Variants in RGS14 observed in about 807,000 individuals in gnomAD.
The protein encoded by RGS14 is regulator of G-protein signaling 14.
A neutral mutation model predicts 63.8 loss-of-function variants in RGS14; 33 were observed. That is an observed-to-expected ratio of 0.52 (90% confidence interval 0.39 to 0.69). The LOEUF is 0.69. Ranked by LOEUF, RGS14 falls within the 30% of genes least tolerant of loss-of-function variation. The pLI is 0.00. For synonymous variants in RGS14, 296 were observed against 320.9 expected, an observed-to-expected ratio of 0.92 and a Z score of 0.83; for missense variants, 739 against 742.9, an observed-to-expected ratio of 0.99 and a Z score of 0.06.
intron 1 of RGS14, among the ~76,000 whole-genome samples, chr5:177,365,724 G>C (rs1347052622): frequency 1.3e-5 from 2 of 152,208 alleles, no homozygotes; most frequent in Non-Finnish European, 2.9e-5. Flanking sequence ...CAGGGGCTGG[G>C]GGAGGAGGGA....
At chr5:177,366,544 C>A in intron 3 of RGS14, 164 bp from the exon 4 acceptor site, 2 of 801,558 alleles carry the variant, frequency 2.5e-6, no homozygotes, top group Non-Finnish European at 4.0e-6. Flanking sequence ...CTCTCATTTT[C>A]TCTCCCTGTC....
At position 177,366,290 on chromosome 5, in the gene RGS14, G is replaced by A. The variant is rs753166092; in HGVS notation, c.181G>A (p.Val61Met). ...CCCCTTCCCAACCGAGGAGCAGCCT[G>A]TGGCCAGCTGGGCCCTGTCCTTCGA... ...SSPFPTEEQP[V>M]ASWALSFERL... The change falls in exon 3 of 15, where the codon GTG becomes ATG. Residue 61 changes from valine (V) to methionine (M), a missense_variant. Val to Met is a conservative substitution (Grantham distance 21). Coordinates refer to ENST00000408923, the MANE Select transcript of RGS14 (RefSeq NM_006480.5). 2 of 1,562,502 alleles carry A rather than the reference G, an allele frequency of 1.3e-6. No individual in the cohort carries two copies. The highest frequency in any genetic ancestry group is 1.2e-5 in the South Asian group (1 of 85,230).
Position 177,371,382 on chromosome 5 carries a change from C to G in RGS14, c.1369C>G (p.Pro457Ala), listed in dbSNP as rs758447544. The G allele has an allele frequency of 6.2e-7, 1 of 1,613,690 alleles. No individual in the cohort carries two copies. Among genetic ancestry groups the G allele is most frequent in the South Asian group, 1.1e-5 (1 of 91,054 alleles). The part of the protein sequence containing the change: ...VKISKARDKS[P>A]CRSQGCPPRT... ...GATCTCCAAAGCCCGTGACAAATCT[C>G]CCTGCCGCAGCCAGGTGAGCGAAAG... The change falls in exon 13 of 15, where the codon CCC becomes GCC. Residue 457 changes from proline (P) to alanine (A), a missense_variant. Transcript: ENST00000408923. The surrounding 1 kb of genome is among the most constrained non-coding windows in gnomAD (Gnocchi z 6.1).
intron 1 of RGS14, among the ~76,000 whole-genome samples, chr5:177,360,604 G>A (rs1761942729): frequency 6.7e-6 from 1 of 149,212 alleles, no homozygotes. Context: ...GGAAGGAAGG[G>A]AGGGAGGGAG....
rs545597259 is a variant in RGS14, at chr5:177,362,333, G to T, written c.46-3630G>T. Among the ~76,000 whole-genome samples, 19 of 152,306 alleles carry T rather than the reference G, an allele frequency of 1.2e-4. No homozygotes were observed. The East Asian group carries it at 2.7e-3, about 22-fold the overall frequency. On this transcript the variant is annotated intron_variant, in intron 1 of 14. Coordinates refer to ENST00000408923, the MANE Select transcript of RGS14 (RefSeq NM_006480.5). ...AGGGGCTGAGAGTCCCTAGTGAAGG[G>T]GTGCCAAGGCCAGGGTCCTGATGGC...
intron 9 of RGS14, 124 bp downstream of exon 9, chr5:177,369,044 C>A: frequency 1.1e-6 from 1 of 899,094 alleles, no homozygotes; most frequent in Non-Finnish European, 1.7e-6. Context: ...CCAAAGCACC[C>A]TCAGCACCAA....
At position 177,368,906 on chromosome 5, in the gene RGS14, G is replaced by T. The variant is rs1209390733; in HGVS notation, c.1039G>T (p.Val347Leu). The change falls in exon 9 of 15, where the codon GTG becomes TTG. Residue 347 changes from valine (V) to leucine (L), a missense_variant. Transcript: ENST00000408923. ...LSLPDIKVYL[V>L]GNEQALVLDQ... ...TCTACCTGACATCAAGGTCTACCTGGTGGGCAATGAACAGGTGGGAACGTG... is the reference window on the plus strand; with the variant it reads ...TCTACCTGACATCAAGGTCTACCTGTTGGGCAATGAACAGGTGGGAACGTG... 3 of 1,614,030 alleles carry T rather than the reference G, an allele frequency of 1.9e-6. No individual in the cohort carries two copies. The African/African-American group carries it at 4.0e-5, about 22-fold the overall frequency.
chr5:177,369,212 T>G, intron 9 of RGS14: 1 of 481,430 alleles, frequency 2.1e-6, no homozygotes, highest in Non-Finnish European at 3.8e-6. Flanking sequence ...GAGTCCAGAC[T>G]CCCATCCCCA....
rs371515756 is a variant in RGS14, at chr5:177,370,867, G to A, written c.1128-38G>A. On this transcript the variant is annotated intron_variant, in intron 10 of 14. Coordinates refer to ENST00000408923, the MANE Select transcript of RGS14 (RefSeq NM_006480.5). ...CCTGGGAAGGGTTTGGCGGGGGGCC[G>A]GCCCTCCGGCCCTCTGCTGCCCGAG... is the stretch of plus-strand genomic sequence containing the variant. 209 of 1,554,894 alleles carry A rather than the reference G, an allele frequency of 1.3e-4. 1 individual carries two copies. In the East Asian group the frequency reaches 4.8e-3, roughly 35 times the overall value.
In RGS14 at chr5:177,372,097, C is replaced by A; in HGVS notation, c.*22C>A. On this transcript the variant is annotated 3_prime_UTR_variant, in exon 15 of 15. Transcript: ENST00000408923. ...CTGACAGCTACCCAACAGTCCAGGA[C>A]AGCTGCATGGCACCCGGCGGGCCGA... The A allele has an allele frequency of 6.2e-7, 1 of 1,604,950 alleles. No homozygotes were observed. Among genetic ancestry groups the A allele is most frequent in the Non-Finnish European group, 8.5e-7 (1 of 1,173,070 alleles).
chr5:177,366,335 C>A lies in RGS14; in HGVS notation c.226C>A (p.Leu76Met). ...LSFERLLQDP[L>M]GLAYFTEFLK... Reference sequence around the variant, plus strand: ...CTTCGAGCGGCTGTTGCAGGACCCGCTGGGCCTGGCTTACTTCACTGTAAG... The same window carrying A: ...CTTCGAGCGGCTGTTGCAGGACCCGATGGGCCTGGCTTACTTCACTGTAAG... Residue 76 changes from leucine (L) to methionine (M), a missense_variant, in exon 3 of 15, where the codon CTG becomes ATG. Coordinates refer to ENST00000408923, the MANE Select transcript of RGS14 (RefSeq NM_006480.5). The A allele has an allele frequency of 1.3e-6, 2 of 1,548,826 alleles. No homozygotes were observed. Among genetic ancestry groups the A allele is most frequent in the Non-Finnish European group, 1.7e-6 (2 of 1,146,638 alleles).
chr5:177,370,939 A>G lies in RGS14; in HGVS notation c.1162A>G (p.Ile388Val). 1 of 1,607,736 alleles carries G rather than the reference A, an allele frequency of 6.2e-7. No individual in the cohort carries two copies. Among genetic ancestry groups the G allele is most frequent in the Non-Finnish European group, 8.5e-7 (1 of 1,179,650 alleles). ...GACGGCGCTGGAGCGCGTGGTACGA[A>G]TCTCAGCCAAGCCCACCAAGCGGCT... ...ELTALERVVR[I>V]SAKPTKRLQE... is the part of the protein sequence containing the mutation. Residue 388 changes from isoleucine to valine, a missense_variant, in exon 11 of 15, where the codon ATC becomes GTC. Coordinates refer to ENST00000408923, the MANE Select transcript of RGS14 (RefSeq NM_006480.5).
In RGS14 at chr5:177,371,670, G is replaced by C. The variant is rs1762274467; in HGVS notation, c.1498+81G>C. The stretch of plus-strand genomic sequence containing the variant: ...ATTCAGGGTGGCATCAGAGAGCCTT[G>C]AGCTAAGGCAGGGGGCTGGGTGCCA... On this transcript the variant is annotated intron_variant, in intron 14 of 14. Transcript: ENST00000408923. The surrounding 1 kb of genome is among the most constrained non-coding windows in gnomAD (Gnocchi z 6.1). 1.4e-6 allele frequency: 2 copies of C among 1,433,652 alleles called. No individual in the cohort carries two copies. The highest frequency in any genetic ancestry group is 2.0e-6 in the Non-Finnish European group (2 of 1,023,422). The allele number at this position is 1,433,652 out of a possible 1,614,324, so 88.8% of individuals were successfully genotyped here.
intron 1 of RGS14, among the ~76,000 whole-genome samples, chr5:177,361,548 C>T (rs912944445): frequency 1.2e-4 from 18 of 152,170 alleles, no homozygotes; most frequent in African/African-American, 4.3e-4. Context: ...ATCAGGCAAA[C>T]TTGAGTTCTA....
intron 4 of RGS14, 40 bp downstream of exon 4, chr5:177,366,840 G>A: frequency 6.2e-7 from 1 of 1,614,020 alleles, no homozygotes; most frequent in Non-Finnish European, 8.5e-7. Flanking sequence ...CTGGGGAGAG[G>A]GGAACTGGGC....
chr5:177,362,248 A>G (rs534756416), intron 1 of RGS14, among the ~76,000 whole-genome samples: 4 of 152,328 alleles, frequency 2.6e-5, no homozygotes, highest in African/African-American at 7.2e-5. Context: ...AGCTCCAGCT[A>G]TGCTATCAAC....
Position 177,367,416 on chromosome 5 carries a change from C to T in RGS14, c.486C>T (p.Ile162=), listed in dbSNP as rs1340863748. Residue 162 remains isoleucine (I), a splice_region_variant and synonymous_variant, in exon 6 of 15, where the codon ATC becomes ATT. Transcript: ENST00000408923. ...CCTGTTCCGGGGTCGCCCCGCAGATCTTCAACTTGATGAAGTTCGACAGCT... is the reference window on the plus strand; with the variant it reads ...CCTGTTCCGGGGTCGCCCCGCAGATTTTCAACTTGATGAAGTTCGACAGCT... ...PDMFRAQQLQ[I]FNLMKFDSYA... is the part of the protein sequence containing the mutation. 6.2e-7 allele frequency: 1 copy of T among 1,603,962 alleles called. No homozygotes were observed. The highest frequency in any genetic ancestry group is 8.5e-7 in the Non-Finnish European group (1 of 1,174,420).
intron 8 of RGS14, 46 bp from the exon 9 acceptor site, chr5:177,368,671 C>T: frequency 6.3e-7 from 1 of 1,583,212 alleles, no homozygotes; most frequent in Non-Finnish European, 8.7e-7. Context: ...GTGTGCATGC[C>T]CTTGCATGTG....
chr5:177,367,086 G>A lies in RGS14; in HGVS notation c.483+52G>A, dbSNP rs771283979. On this transcript the variant is annotated intron_variant, in intron 5 of 14. Transcript: ENST00000408923. ...TGAAAGGGAGACAAAAGGAGCAGGGGCGGGGTCGGACCCTGGCGGGGAGTC... is the reference window on the plus strand; with the variant it reads ...TGAAAGGGAGACAAAAGGAGCAGGGACGGGGTCGGACCCTGGCGGGGAGTC... The A allele has an allele frequency of 9.0e-6, 14 of 1,563,584 alleles. No homozygotes were observed. The Admixed American group carries it at 1.8e-4, about 20-fold the overall frequency.
Sources: gnomAD v4.1 joint callset for allele counts (sites outside exome capture counted in the v4.1 genomes callset) on GRCh38, gnomAD v4.1.1 for gene constraint, Gnocchi (gnomAD v3.1) non-coding constraint, MANE v1.5 for transcripts, NCBI Gene and HGNC (gene_info 2026-07-23, HGNC 2026-07-21) for gene names.